KCNT2: variants seen among roughly 807,000 people sequenced by gnomAD.
The protein encoded by KCNT2 is potassium sodium-activated channel subfamily T member 2, also known as potassium channel subfamily T member 2.
KCNT2 carries 67 observed loss-of-function variants against 153.8 expected under a neutral mutation model. That is an observed-to-expected ratio of 0.44 (90% confidence interval 0.36 to 0.53). KCNT2 has a LOEUF of 0.53. Ranked by LOEUF, KCNT2 falls within the 20% of genes least tolerant of loss-of-function variation. The pLI is 0.00. For missense variants in KCNT2, 975 were observed against 1,354.8 expected (o/e 0.72, Z 4.40); for synonymous variants, 500 against 458.8 (o/e 1.09, Z -1.15).
chr1:196,497,664 A>T (rs537719088), intron 1 of KCNT2, among the ~76,000 whole-genome samples: 18 of 152,258 alleles, frequency 1.2e-4, no homozygotes, highest in African/African-American at 4.1e-4. Context: ...ACTAAAAATT[A>T]TATCAGTAAT....
intron 15 of KCNT2, among the ~76,000 whole-genome samples, chr1:196,341,781 A>T (rs1051504540): frequency 2.0e-5 from 3 of 152,034 alleles, no homozygotes; most frequent in African/African-American, 7.2e-5. Context: ...CTTAAAATTC[A>T]GATCTGTGAA....
chr1:196,228,763 A>G (rs185267093), intron 27 of KCNT2, among the ~76,000 whole-genome samples: 3 of 152,158 alleles, frequency 2.0e-5, no homozygotes, highest in Admixed American at 2.0e-4. Context: ...TTCTTCCATT[A>G]CTTAACTGTT....
intron 15 of KCNT2, among the ~76,000 whole-genome samples, chr1:196,341,026 AAT>A (rs993453674): frequency 2.0e-5 from 3 of 151,930 alleles, no homozygotes; most frequent in Non-Finnish European, 4.4e-5. Flanking sequence ...TTTTAGAAAA[AAT>A]ATATATATTT....
At chr1:196,496,806 G>A (rs553931887) in intron 1 of KCNT2, among the ~76,000 whole-genome samples, 2 of 152,092 alleles carry the variant, frequency 1.3e-5, no homozygotes, top group African/African-American at 2.4e-5. Flanking sequence ...CTCATGCTAC[G>A]ATCATTTAGA....
chr1:196,236,703 G>A (rs1654474206), intron 26 of KCNT2, among the ~76,000 whole-genome samples: 1 of 151,402 alleles, frequency 6.6e-6, no homozygotes, highest in African/African-American at 2.4e-5. Flanking sequence ...ATATATATGT[G>A]TATATATTTA....
At chr1:196,486,890 C>A (rs891015441) in intron 3 of KCNT2, among the ~76,000 whole-genome samples, 2 of 151,646 alleles carry the variant, frequency 1.3e-5, no homozygotes, top group African/African-American at 4.8e-5. Context: ...AACTAGGTGA[C>A]CAAAATATGA....
chr1:196,523,232 C>G lies in KCNT2; in HGVS notation c.96-30891G>C, dbSNP rs182520163. On this transcript the variant is annotated intron_variant, in intron 1 of 27. Coordinates refer to ENST00000294725, the MANE Select transcript of KCNT2 (RefSeq NM_198503.5). The stretch of plus-strand genomic sequence containing the variant: ...TCCTGAAGTTAGCAAGACCACGAAC[C>G]CACCGGAAGGAAGAAACTCCAGACA... Among the ~76,000 whole-genome samples the G allele has an allele frequency of 5.2e-3, 796 of 152,196 alleles. 19 individuals are homozygous for G. The highest frequency in any genetic ancestry group is 0.048 in the Admixed American group (740 of 15,286).
intron 3 of KCNT2, among the ~76,000 whole-genome samples, chr1:196,483,595 A>G (rs1679183897): frequency 6.6e-6 from 1 of 152,050 alleles, no homozygotes; most frequent in Non-Finnish European, 1.5e-5. Flanking sequence ...CTCTTTTTAC[A>G]TTCTGTCCTC....
Position 196,437,371 on chromosome 1 carries a change from T to A in KCNT2, c.639-7614A>T, listed in dbSNP as rs887025893. On this transcript the variant is annotated intron_variant, in intron 8 of 27. Transcript: ENST00000294725. ...TTATTAATATATTTTTATTTATATA[T>A]ATTTTTATTTATATATATACACAAA... Among the ~76,000 whole-genome samples the A allele has an allele frequency of 5.0e-5, 7 of 140,544 alleles. No individual in the cohort carries two copies. The East Asian group carries it at 1.4e-3, about 29-fold the overall frequency. The allele number at this position is 140,544 out of a possible 152,430, so 92.2% of individuals were successfully genotyped here. A position where few individuals can be genotyped will look rare whatever the true frequency, so the allele number is the denominator to read the frequency against.
At chr1:196,353,397 C>T (rs1263747366) in intron 14 of KCNT2, among the ~76,000 whole-genome samples, 1 of 151,788 alleles carries the variant, frequency 6.6e-6, no homozygotes, top group East Asian at 1.9e-4. Context: ...AGAAGATTAG[C>T]AAATAAAATA....
At chr1:196,260,282 C>A (rs988960253) in intron 25 of KCNT2, among the ~76,000 whole-genome samples, 4 of 151,646 alleles carry the variant, frequency 2.6e-5, no homozygotes, top group Non-Finnish European at 4.4e-5. Flanking sequence ...GTCACAAAAC[C>A]ATAAATTAAT....
At chr1:196,334,484 T>C (rs1274467375) in intron 16 of KCNT2, among the ~76,000 whole-genome samples, 1 of 99,234 alleles carries the variant, frequency 1.0e-5, no homozygotes, top group East Asian at 2.5e-4. Flanking sequence ...TCTTTCTTTC[T>C]TTCTTTTTTT....
intron 1 of KCNT2, among the ~76,000 whole-genome samples, chr1:196,529,440 A>T (rs1310217908): frequency 2.0e-5 from 3 of 152,162 alleles, no homozygotes; most frequent in African/African-American, 7.2e-5. Flanking sequence ...TGGAAAAGGT[A>T]CAAATGTGGA....
chr1:196,567,236 A>T (rs986712175), intron 1 of KCNT2, among the ~76,000 whole-genome samples: 1 of 152,014 alleles, frequency 6.6e-6, no homozygotes, highest in Non-Finnish European at 1.5e-5. Flanking sequence ...ACACTAGACT[A>T]TGTAGCATTT....
chr1:196,494,273 C>A (rs1391054733), intron 1 of KCNT2, among the ~76,000 whole-genome samples: 3 of 152,134 alleles, frequency 2.0e-5, no homozygotes, highest in South Asian at 2.1e-4. Context: ...GAGGACAATA[C>A]GGCTATTACA....
chr1:196,528,450 T>C (rs1654533091), intron 1 of KCNT2, among the ~76,000 whole-genome samples: 2 of 152,172 alleles, frequency 1.3e-5, no homozygotes, highest in African/African-American at 4.8e-5. Flanking sequence ...TTAGAATTGT[T>C]CGAGCTAGAA....
At chr1:196,452,318 G>A (rs1376966507) in intron 8 of KCNT2, among the ~76,000 whole-genome samples, 1 of 151,886 alleles carries the variant, frequency 6.6e-6, no homozygotes, top group Non-Finnish European at 1.5e-5. Context: ...ACCTTTATAT[G>A]AAATATATTG....
intron 1 of KCNT2, among the ~76,000 whole-genome samples, chr1:196,494,398 C>G (rs148941559): frequency 5.3e-5 from 8 of 152,114 alleles, no homozygotes; most frequent in Admixed American, 2.0e-4. Context: ...AACAGAGGAG[C>G]CTTTTTTTGT....
At chr1:196,360,224 T>A (rs1667506343) in intron 14 of KCNT2, among the ~76,000 whole-genome samples, 1 of 152,096 alleles carries the variant, frequency 6.6e-6, no homozygotes, top group Non-Finnish European at 1.5e-5. Flanking sequence ...ACTATTACTA[T>A]TATTTTCTTT....
Sources: allele counts gnomAD v4.1 joint callset (sites outside exome capture counted in the v4.1 genomes callset), GRCh38; gene constraint gnomAD v4.1.1; transcripts MANE v1.5; gene names NCBI Gene and HGNC (gene_info 2026-07-23, HGNC 2026-07-21).